The following TBL1X variants were observed in gnomAD, a reference collection of about 807,000 sequenced individuals.
The protein encoded by TBL1X is F-box-like/WD repeat-containing protein TBL1X.
A neutral mutation model predicts 50.7 loss-of-function variants in TBL1X; 10 were observed. That is an observed-to-expected ratio of 0.20 (90% CI 0.12 to 0.33). The LOEUF (loss-of-function observed/expected upper bound fraction) is 0.33, where lower values mean the gene tolerates loss of function less well. TBL1X is among the 10% of genes least tolerant of loss of function. The probability of loss-of-function intolerance (pLI) is 1.00; values close to 1 mark genes in which losing one functional copy is unlikely to be tolerated. For missense variants in TBL1X, 340 were observed against 504.4 expected (o/e 0.67, Z 3.12); for synonymous variants, 190 against 214.7 (o/e 0.88, Z 1.01).
chrX:9,518,082 G>A (rs1212761079), intron 2 of TBL1X, among the ~76,000 whole-genome samples: 1 of 94,006 alleles, frequency 1.1e-5, no homozygotes, highest in Non-Finnish European at 2.1e-5. Context: ...CTGGGCAACA[G>A]AGCCAGATCC....
intron 3 of TBL1X, chrX:9,644,613 G>A (rs1310583656): frequency 2.7e-5 from 3 of 111,079 alleles, no homozygotes; most frequent in Middle Eastern, 9.3e-3. Context: ...GGCACAGAAA[G>A]GACCTTTTCT....
chrX:9,590,981 G>T (rs2082496924), intron 2 of TBL1X, among the ~76,000 whole-genome samples: 1 of 93,069 alleles, frequency 1.1e-5, no homozygotes, highest in Non-Finnish European at 2.1e-5. Flanking sequence ...TATGCAGTGT[G>T]TATGTGTGGG....
intron 2 of TBL1X, among the ~76,000 whole-genome samples, chrX:9,618,391 T>C (rs762075898): frequency 4.4e-4 from 49 of 112,075 alleles, no homozygotes; most frequent in African/African-American, 1.5e-3. Context: ...TAAAATATTT[T>C]CTGGCCGGGC....
chrX:9,472,398 G>A lies in TBL1X; in HGVS notation c.-201+6951G>A, dbSNP rs183722244. On this transcript the variant is annotated intron_variant, in intron 1 of 17. Coordinates refer to ENST00000645353, the MANE Select transcript of TBL1X (RefSeq NM_005647.4). ...CCTCAGCCTCCCAAGTAGCTGGGCC[G>A]ACAGGCACAAGTCAGCATGTCCAGC... Among the ~76,000 whole-genome samples, 364 of 107,669 alleles carry A rather than the reference G, an allele frequency of 3.4e-3. 2 individuals are homozygous for A. Among genetic ancestry groups the A allele is most frequent in the African/African-American group, 0.011 (339 of 29,579 alleles). The allele number at this position is 107,669 out of a possible 115,157, so 93.5% of individuals were successfully genotyped here.
chrX:9,486,145 T>A (rs1465009497), intron 1 of TBL1X, among the ~76,000 whole-genome samples: 3 of 111,273 alleles, frequency 2.7e-5, no homozygotes. Flanking sequence ...CTATTTTCTC[T>A]GAAGCCTGCT....
chrX:9,538,679 G>A (rs1399091088), intron 2 of TBL1X, among the ~76,000 whole-genome samples: 1 of 112,488 alleles, frequency 8.9e-6, no homozygotes, highest in Non-Finnish European at 1.9e-5. Context: ...GGGTGAGGGG[G>A]AGGTTCCAGC....
At chrX:9,627,407 T>C (rs1027830742) in intron 2 of TBL1X, among the ~76,000 whole-genome samples, 7 of 112,070 alleles carry the variant, frequency 6.2e-5, no homozygotes, top group African/African-American at 2.3e-4. Flanking sequence ...TCATTTTTGT[T>C]CCAGCTACAA....
At chrX:9,482,137 C>G (rs2081886177) in intron 1 of TBL1X, among the ~76,000 whole-genome samples, 1 of 110,789 alleles carries the variant, frequency 9.0e-6, no homozygotes, top group Admixed American at 9.6e-5. Flanking sequence ...ACTACAAGTC[C>G]CAAACTAATG....
chrX:9,637,400 C>T (rs903024559), intron 2 of TBL1X: 1 of 112,063 alleles, frequency 8.9e-6, no homozygotes, highest in African/African-American at 3.2e-5. Flanking sequence ...TAGAGGACTT[C>T]CGAAATCTGT....
intron 2 of TBL1X, among the ~76,000 whole-genome samples, chrX:9,549,289 G>A (rs188243763): frequency 8.9e-6 from 1 of 112,449 alleles, no homozygotes; most frequent in Non-Finnish European, 1.9e-5. Context: ...ACTGCAGCCC[G>A]TGGGGCAGAC....
intron 2 of TBL1X, among the ~76,000 whole-genome samples, chrX:9,631,745 G>T (rs2082722784): frequency 8.9e-6 from 1 of 112,454 alleles, no homozygotes; most frequent in Non-Finnish European, 1.9e-5. Flanking sequence ...TATGGAAAAG[G>T]ATTCTTTTAA....
At position 9,692,271 on chromosome X, in the gene TBL1X, C is replaced by T. The variant is rs771000158; in HGVS notation, c.891+17C>T. 8.7e-6 allele frequency: 10 copies of T among 1,152,442 alleles called. No homozygotes were observed. The highest frequency in any genetic ancestry group is 1.8e-5 in the African/African-American group (1 of 54,739). The allele number at this position is 1,152,442 out of a possible 1,213,427, so 95.0% of individuals were successfully genotyped here. A position where few individuals can be genotyped will look rare whatever the true frequency, so the allele number is the denominator to read the frequency against. On this transcript the variant is annotated intron_variant, in intron 9 of 17. Coordinates refer to ENST00000645353, the MANE Select transcript of TBL1X (RefSeq NM_005647.4). ...GACTGGAATGTAAGCATCTTCCACCCCCTGGGCACTTTGAAATTGGTAAAA... is the reference window on the plus strand; with the variant it reads ...GACTGGAATGTAAGCATCTTCCACCTCCTGGGCACTTTGAAATTGGTAAAA...
chrX:9,706,080 G>A lies in TBL1X; in HGVS notation c.1236+966G>A, dbSNP rs779732504. 1.3e-4 allele frequency among the ~76,000 whole-genome samples: 15 copies of A among 111,203 alleles called. No individual in the cohort carries two copies. In the South Asian group the frequency reaches 1.9e-3, roughly 14 times the overall value. On this transcript the variant is annotated intron_variant, in intron 13 of 17. Coordinates refer to ENST00000645353, the MANE Select transcript of TBL1X (RefSeq NM_005647.4). ...AAAACTCACGAAGACAGCAAGCCAC[G>A]AGGGATCTGCCCCCATGATCCGGAC...
chrX:9,667,514 A>T (rs924970073), intron 5 of TBL1X, among the ~76,000 whole-genome samples: 8 of 112,174 alleles, frequency 7.1e-5, no homozygotes, highest in Admixed American at 6.6e-4. Context: ...GTTTTTGAAA[A>T]TTTTACCTGA....
intron 2 of TBL1X, among the ~76,000 whole-genome samples, chrX:9,509,486 T>C (rs1377959427): frequency 6.7e-5 from 6 of 89,140 alleles, no homozygotes; most frequent in African/African-American, 2.4e-4. Context: ...GAATCGCTTT[T>C]TTTTTTTTTT....
chrX:9,561,161 C>G (rs1395560967), intron 2 of TBL1X, among the ~76,000 whole-genome samples: 4 of 111,696 alleles, frequency 3.6e-5, no homozygotes, highest in Admixed American at 9.5e-5. Context: ...CCCGACCCCC[C>G]ACAACCACCA....
intron 2 of TBL1X, among the ~76,000 whole-genome samples, chrX:9,547,860 C>T (rs2082252643): frequency 9.9e-6 from 1 of 100,706 alleles, no homozygotes; most frequent in Non-Finnish European, 2.0e-5. Context: ...TCACACTGTC[C>T]CTCCCTCTCA....
chrX:9,511,911 C>T (rs1209141507), intron 2 of TBL1X, among the ~76,000 whole-genome samples: 2 of 111,284 alleles, frequency 1.8e-5, no homozygotes, highest in African/African-American at 6.5e-5. Context: ...CCTGGGTTGG[C>T]GTGCGGTGGC....
At position 9,565,896 on chromosome X, in the gene TBL1X, A is replaced by G. The variant is rs1033878027; in HGVS notation, c.-131+64047A>G. 2.7e-5 allele frequency among the ~76,000 whole-genome samples: 3 copies of G among 112,116 alleles called. No individual in the cohort carries two copies. The Admixed American group carries it at 2.8e-4, about 11-fold the overall frequency. ...AGTCACTATGCAGGGAACAGCACCA[A>G]TAACAGAAACAGCTCCAAGAAAGTG... On this transcript the variant is annotated intron_variant, in intron 2 of 17. Coordinates refer to ENST00000645353, the MANE Select transcript of TBL1X (RefSeq NM_005647.4).
Sources: allele counts gnomAD v4.1 joint callset (sites outside exome capture counted in the v4.1 genomes callset), GRCh38; gene constraint gnomAD v4.1.1; transcripts MANE v1.5; gene names NCBI Gene and HGNC (gene_info 2026-07-23, HGNC 2026-07-21).